The following SFXN5 variants were observed in gnomAD, a reference collection of about 807,000 sequenced individuals.
The protein encoded by SFXN5 is sideroflexin 5, also known as sideroflexin-5.
SFXN5 carries 43 observed loss-of-function variants against 50.2 expected under a neutral mutation model. The observed-to-expected ratio is 0.86, with a 90% CI of 0.67 to 1.11. The LOEUF (loss-of-function observed/expected upper bound fraction) is 1.11, where lower values mean the gene tolerates loss of function less well. Among genes scored for constraint, SFXN5 ranks in the 50% least tolerant of loss-of-function variants. SFXN5 has a pLI of 0.00. For missense variants in SFXN5, 463 were observed against 454.1 expected (o/e 1.02, Z -0.18); for synonymous variants, 203 against 185.8 (o/e 1.09, Z -0.75).
intron 1 of SFXN5, among the ~76,000 whole-genome samples, chr2:73,069,197 G>A (rs1190207943): frequency 6.6e-6 from 1 of 152,188 alleles, no homozygotes; most frequent in African/African-American, 2.4e-5. Flanking sequence ...GATCTGCACT[G>A]TTGGGACTCT....
chr2:73,056,496 ACCAACATGGAGAAACC>A, intron 2 of SFXN5, among the ~76,000 whole-genome samples: 1 of 151,836 alleles, frequency 6.6e-6, no homozygotes, highest in African/African-American at 2.4e-5. Flanking sequence ...GACCAGCCTG[ACCAACATGGAGAAACC>A]CCATCTCTAC....
chr2:72,977,149 T>C (rs1670717185), intron 10 of SFXN5, among the ~76,000 whole-genome samples: 1 of 152,116 alleles, frequency 6.6e-6, no homozygotes, highest in South Asian at 2.1e-4. Flanking sequence ...GGTCCAGACG[T>C]GATGCTTGGA....
At chr2:73,014,262 T>C (rs1274911825) in intron 6 of SFXN5, among the ~76,000 whole-genome samples, 2 of 152,198 alleles carry the variant, frequency 1.3e-5, no homozygotes, top group East Asian at 3.8e-4. Flanking sequence ...GAGATCTGAC[T>C]TTCTTTCTTT....
chr2:72,991,167 C>A (rs536482283), intron 9 of SFXN5, among the ~76,000 whole-genome samples: 19 of 152,342 alleles, frequency 1.2e-4, no homozygotes, highest in Admixed American at 7.2e-4. Context: ...TTCCCTCCCC[C>A]TCTCCAAAGC....
At chr2:73,047,907 T>C (rs961206921) in intron 2 of SFXN5, among the ~76,000 whole-genome samples, 2 of 152,210 alleles carry the variant, frequency 1.3e-5, no homozygotes, top group Non-Finnish European at 2.9e-5. Flanking sequence ...TGTAAGAGGA[T>C]ATTTATTGCA....
chr2:73,019,357 G>C (rs1676544857), intron 6 of SFXN5: 1 of 151,518 alleles, frequency 6.6e-6, no homozygotes, highest in Non-Finnish European at 1.5e-5. Flanking sequence ...AAGTAGCTCA[G>C]TTGGGAGGGT....
chr2:72,986,656 C>T (rs924045131), intron 10 of SFXN5, among the ~76,000 whole-genome samples: 2 of 152,216 alleles, frequency 1.3e-5, no homozygotes, highest in Non-Finnish European at 2.9e-5. Flanking sequence ...CTGCCTTACA[C>T]TGCTCTCAAT....
intron 10 of SFXN5, chr2:72,981,323 C>T (rs1158445062): frequency 1.3e-5 from 2 of 151,998 alleles, no homozygotes; most frequent in East Asian, 3.9e-4. Flanking sequence ...ACCAGGGACC[C>T]ATTCTGAGCA....
At chr2:72,957,326 G>A (rs2105361682) in intron 13 of SFXN5, among the ~76,000 whole-genome samples, 1 of 152,306 alleles carries the variant, frequency 6.6e-6, no homozygotes, top group South Asian at 2.1e-4. Context: ...GCAAATGGTA[G>A]CCATTATTAT....
chr2:72,991,980 G>C (rs1304425516), intron 9 of SFXN5, among the ~76,000 whole-genome samples: 1 of 152,218 alleles, frequency 6.6e-6, no homozygotes, highest in Non-Finnish European at 1.5e-5. Context: ...GCTCCATTTT[G>C]GTAGATGGGG....
intron 13 of SFXN5, among the ~76,000 whole-genome samples, chr2:72,951,280 A>G (rs1249721987): frequency 6.6e-6 from 1 of 151,874 alleles, no homozygotes; most frequent in Non-Finnish European, 1.5e-5. Flanking sequence ...GTGCCACCCC[A>G]TCTTCCCAAC....
At chr2:73,026,417 A>G (rs1281538093) in intron 3 of SFXN5, among the ~76,000 whole-genome samples, 4 of 151,778 alleles carry the variant, frequency 2.6e-5, no homozygotes, top group Non-Finnish European at 4.4e-5. Flanking sequence ...ACCTCGCCCA[A>G]CATGGTTGCT....
chr2:73,032,661 A>C (rs1222410950), intron 3 of SFXN5, among the ~76,000 whole-genome samples: 1 of 151,912 alleles, frequency 6.6e-6, no homozygotes, highest in Non-Finnish European at 1.5e-5. Context: ...CCCCACCCCC[A>C]ATCTGGCTCG....
In SFXN5 at chr2:73,068,710, G is replaced by A. The variant is rs184518345; in HGVS notation, c.102+2894C>T. On this transcript the variant is annotated intron_variant, in intron 1 of 13. Coordinates refer to ENST00000272433, the MANE Select transcript of SFXN5 (RefSeq NM_144579.3). ...GGAGAGTCAACAGGGAGTAAAGACA[G>A]GCACAGCCCCCACTTCTGCAAAGTC... Among the ~76,000 whole-genome samples, 282 of 152,168 alleles carry A rather than the reference G, an allele frequency of 1.9e-3. 3 individuals are homozygous for A. Among genetic ancestry groups the A allele is most frequent in the Middle Eastern group, 6.8e-3 (2 of 294 alleles).
rs953767880 is a variant in SFXN5, at chr2:72,973,742, G to A, written c.626-2057C>T. ...TCAGGGCCCAGAAGGGTCCCCCAGG[G>A]TAGCCTTGGGAAGCAGCCACCTGGC... On this transcript the variant is annotated intron_variant, in intron 10 of 13. Coordinates refer to ENST00000272433, the MANE Select transcript of SFXN5 (RefSeq NM_144579.3). The surrounding 1 kb of genome is among the most constrained non-coding windows in gnomAD (Gnocchi z 5.5). Among the ~76,000 whole-genome samples, 3 of 152,200 alleles carry A rather than the reference G, an allele frequency of 2.0e-5. No individual in the cohort carries two copies. The highest frequency in any genetic ancestry group is 7.2e-5 in the African/African-American group (3 of 41,460).
chr2:73,058,762 T>C (rs575878346), intron 1 of SFXN5, among the ~76,000 whole-genome samples, 166 bp from the exon 2 acceptor site: 26 of 152,226 alleles, frequency 1.7e-4, no homozygotes, highest in Non-Finnish European at 2.8e-4. Context: ...ACAGCTTTCC[T>C]GGGGCTGAGA....
chr2:73,040,814 C>T, intron 3 of SFXN5, 40 bp downstream of exon 3: 2 of 1,524,964 alleles, frequency 1.3e-6, no homozygotes, highest in Non-Finnish European at 1.8e-6. Context: ...ACTTTCCTTC[C>T]CTTCCCCACT....
intron 12 of SFXN5, among the ~76,000 whole-genome samples, chr2:72,962,041 A>T (rs1419975016): frequency 6.6e-6 from 1 of 152,348 alleles, no homozygotes; most frequent in South Asian, 2.1e-4. Context: ...GGCTCCCCAG[A>T]CAGCGTGGGG....
rs530489187 is a variant in SFXN5 at position 72,963,674 on chromosome 2, G to A, written c.828-2426C>T. Among the ~76,000 whole-genome samples, 154 of 152,234 alleles carry A rather than the reference G, an allele frequency of 1.0e-3. 1 individual carries two copies. The highest frequency in any genetic ancestry group is 3.5e-3 in the African/African-American group (145 of 41,538). On this transcript the variant is annotated intron_variant, in intron 12 of 13. Coordinates refer to ENST00000272433, the MANE Select transcript of SFXN5 (RefSeq NM_144579.3). ...AGGGAGTAAAGGAAGCTGGGGGAGC[G>A]GACTCAGGGCTGTGGCCTGGGCCCG...
Sources: allele counts gnomAD v4.1 joint callset (sites outside exome capture counted in the v4.1 genomes callset), GRCh38; gene constraint gnomAD v4.1.1; non-coding constraint Gnocchi (gnomAD v3.1); transcripts MANE v1.5; gene names NCBI Gene and HGNC (gene_info 2026-07-23, HGNC 2026-07-21).